SLC37A1: variants seen among roughly 807,000 people sequenced by gnomAD.
SLC37A1 encodes the protein glucose-6-phosphate exchanger SLC37A1.
In SLC37A1, 49 loss-of-function variants were observed where a neutral mutation model predicts 75.3. The ratio of observed to expected loss-of-function variants is 0.65; its 90% CI spans 0.52 to 0.83. The LOEUF (loss-of-function observed/expected upper bound fraction) is 0.83. Among genes scored for constraint, SLC37A1 ranks in the 40% least tolerant of loss-of-function variants. The pLI, the probability that SLC37A1 is intolerant of heterozygous loss-of-function variation, is 0.00. For missense variants in SLC37A1, 566 were observed against 695.0 expected (o/e 0.81, Z 2.09); for synonymous variants, 268 against 292.1 (o/e 0.92, Z 0.84).
chr21:42,554,420 C>T (rs118084173), intron 10 of SLC37A1, among the ~76,000 whole-genome samples: 10,432 of 152,194 alleles, frequency 0.069, 479 homozygotes, highest in Middle Eastern at 0.11. Context: ...CTGGTGTAGA[C>T]GGAACGCAGG....
chr21:42,553,418 CATTA>C (rs2055604458), intron 9 of SLC37A1, among the ~76,000 whole-genome samples: 1 of 152,154 alleles, frequency 6.6e-6, no homozygotes, highest in South Asian at 2.1e-4. Context: ...ATTTTTATAC[CATTA>C]ATTATCTTCA....
intron 7 of SLC37A1, 94 bp from the exon 8 acceptor site, chr21:42,543,342 C>A: frequency 6.9e-7 from 1 of 1,449,290 alleles, no homozygotes; most frequent in Admixed American, 1.7e-5. Flanking sequence ...TCTGCGCCGA[C>A]TCCCTACTTT....
At chr21:42,520,920 A>G (rs959425469) in intron 2 of SLC37A1, among the ~76,000 whole-genome samples, 6 of 152,238 alleles carry the variant, frequency 3.9e-5, no homozygotes, top group African/African-American at 1.4e-4. Flanking sequence ...TGAGATTTAC[A>G]ATAAATGAGA....
intron 10 of SLC37A1, among the ~76,000 whole-genome samples, chr21:42,557,620 C>T (rs1213526694): frequency 6.6e-6 from 1 of 152,236 alleles, no homozygotes; most frequent in Non-Finnish European, 1.5e-5. Context: ...TCCTGGGGCA[C>T]GTAGACGCTG....
chr21:42,575,064 C>T, intron 18 of SLC37A1, 149 bp downstream of exon 18: 2 of 1,431,482 alleles, frequency 1.4e-6, no homozygotes, highest in Non-Finnish European at 1.8e-6. Context: ...TGGTCTAAAG[C>T]TCCTTCTCTC....
chr21:42,539,425 A>G (rs959945781), intron 5 of SLC37A1, 87 bp from the exon 6 acceptor site: 1 of 1,459,412 alleles, frequency 6.9e-7, no homozygotes, highest in Non-Finnish European at 9.3e-7. Context: ...GAACAGCATG[A>G]AAGCATCCGG....
intron 12 of SLC37A1, among the ~76,000 whole-genome samples, chr21:42,562,821 G>A (rs376059370): frequency 4.6e-4 from 70 of 151,932 alleles, no homozygotes; most frequent in African/African-American, 1.6e-3. Flanking sequence ...TCTTCGCCCC[G>A]GGAGCCAGAG....
intron 14 of SLC37A1, 58 bp from the exon 15 acceptor site, chr21:42,565,769 C>A: frequency 6.7e-7 from 1 of 1,487,678 alleles, no homozygotes; most frequent in Non-Finnish European, 9.3e-7. Flanking sequence ...AGATTTCCAG[C>A]AATCTCGCAC....
intron 17 of SLC37A1, among the ~76,000 whole-genome samples, chr21:42,573,669 C>T (rs969955984): frequency 1.3e-5 from 2 of 151,918 alleles, no homozygotes; most frequent in Non-Finnish European, 2.9e-5. Flanking sequence ...TTTGTGAACA[C>T]TTGAAAAAAA....
chr21:42,570,558 G>A (rs554986694), intron 17 of SLC37A1, among the ~76,000 whole-genome samples: 3 of 152,186 alleles, frequency 2.0e-5, no homozygotes, highest in African/African-American at 4.8e-5. Context: ...TTGTGACTGC[G>A]TGGCCTTCTC....
At chr21:42,525,495 C>T (rs1315629644) in intron 2 of SLC37A1, among the ~76,000 whole-genome samples, 1 of 152,216 alleles carries the variant, frequency 6.6e-6, no homozygotes, top group Non-Finnish European at 1.5e-5. Flanking sequence ...CCCCTACACA[C>T]GTAGTGTTAG....
At chr21:42,505,614 C>T (rs901710646) in intron 2 of SLC37A1, among the ~76,000 whole-genome samples, 4 of 152,150 alleles carry the variant, frequency 2.6e-5, no homozygotes, top group Non-Finnish European at 5.9e-5. Context: ...GTGGCTTCAG[C>T]CCCCAGCAGG....
At chr21:42,576,564 T>C (rs1383561062) in intron 18 of SLC37A1, among the ~76,000 whole-genome samples, 5 of 152,116 alleles carry the variant, frequency 3.3e-5, no homozygotes, top group Admixed American at 6.5e-5. Context: ...AATGGTGGAA[T>C]TGGACTCCCC....
upstream of SLC37A1, among the ~76,000 whole-genome samples, chr21:42,511,585 A>C (rs1568977571): frequency 6.6e-6 from 1 of 152,194 alleles, no homozygotes; most frequent in Non-Finnish European, 1.5e-5. Context: ...TGGGAGTTCA[A>C]GACCAGCTTT....
In SLC37A1 at chr21:42,558,913, G is replaced by C. The variant is rs764906883; in HGVS notation, c.850-45G>C. On this transcript the variant is annotated intron_variant, in intron 10 of 19. Coordinates refer to ENST00000352133, the MANE Select transcript of SLC37A1 (RefSeq NM_001320537.2). ...GGCCCCACTTCACCCAGACTGCCCG[G>C]CTGGTAACACCTTTCCTTTTTGTTC... 3 of 1,611,326 alleles carry C rather than the reference G, an allele frequency of 1.9e-6. No homozygotes were observed. The African/African-American group carries it at 4.0e-5, about 22-fold the overall frequency.
intron 1 of SLC37A1, among the ~76,000 whole-genome samples, chr21:42,500,831 T>A (rs1374254473): frequency 1.3e-5 from 2 of 152,242 alleles, no homozygotes; most frequent in Non-Finnish European, 2.9e-5. Flanking sequence ...GTATTTGAAC[T>A]GTTTGTGGAT....
At position 42,565,819 on chromosome 21, in the gene SLC37A1, G is replaced by A; in HGVS notation, c.1222-8G>A. 2 of 1,613,774 alleles carry A rather than the reference G, an allele frequency of 1.2e-6. No individual in the cohort carries two copies. The highest frequency in any genetic ancestry group is 1.7e-6 in the Non-Finnish European group (2 of 1,179,772). On this transcript the variant is annotated splice_region_variant and splice_polypyrimidine_tract_variant and intron_variant, in intron 14 of 19. Coordinates refer to ENST00000352133, the MANE Select transcript of SLC37A1 (RefSeq NM_001320537.2). ...CATGGCTTTGACCTTGTGTCTTGAT[G>A]TCCACAGCTCTACATCTTCTCCACC... is the stretch of plus-strand genomic sequence containing the variant.
chr21:42,511,191 G>A (rs1203843101), upstream of SLC37A1, among the ~76,000 whole-genome samples: 2 of 152,146 alleles, frequency 1.3e-5, no homozygotes, highest in African/African-American at 2.4e-5. Context: ...GAGGAAAATT[G>A]GAAAATTCAC....
At chr21:42,579,555 C>CCTGCCCACATCAGA (rs1555889807) in intron 18 of SLC37A1, among the ~76,000 whole-genome samples, 181 bp from the exon 19 acceptor site, 2 of 152,124 alleles carry the variant, frequency 1.3e-5, no homozygotes, top group Non-Finnish European at 2.9e-5. Context: ...CCACAGGAGC[C>CCTGCCCACATCAGA]CAGGCCTCCG....
Sources: allele counts gnomAD v4.1 joint callset (sites outside exome capture counted in the v4.1 genomes callset), GRCh38; gene constraint gnomAD v4.1.1; transcripts MANE v1.5; gene names NCBI Gene and HGNC (gene_info 2026-07-23, HGNC 2026-07-21).